DSCAM: variants seen among roughly 807,000 people sequenced by gnomAD.
DSCAM encodes cell adhesion molecule DSCAM.
DSCAM carries 47 observed loss-of-function variants against 217.7 expected under a neutral mutation model. The ratio of observed to expected loss-of-function variants is 0.22; its 90% CI spans 0.17 to 0.28. The LOEUF (loss-of-function observed/expected upper bound fraction) is 0.28. Ranked by LOEUF, DSCAM falls within the 10% of genes least tolerant of loss-of-function variation. The pLI, the probability that DSCAM is intolerant of heterozygous loss-of-function variation, is 1.00. For synonymous variants in DSCAM, 1,056 were observed against 1,015.3 expected (o/e 1.04, Z -0.76); for missense variants, 2,080 against 2,618.3 (o/e 0.79, Z 4.49).
intron 4 of DSCAM, among the ~76,000 whole-genome samples, chr21:40,361,413 G>A (rs746079631): frequency 1.9e-4 from 29 of 152,310 alleles, no homozygotes; most frequent in Non-Finnish European, 4.0e-4. Flanking sequence ...AAGGTCAGGA[G>A]ATCGAGCCCA....
chr21:40,498,720 TATATATGG>T (rs2076144951), intron 3 of DSCAM, among the ~76,000 whole-genome samples: 3 of 22,996 alleles, frequency 1.3e-4, no homozygotes, highest in Non-Finnish European at 1.5e-4. Flanking sequence ...TGGGTGTATA[TATATATGG>T]GTGTGTGTAT....
At chr21:40,089,928 C>G (rs1443313311) in intron 21 of DSCAM, among the ~76,000 whole-genome samples, 3 of 152,188 alleles carry the variant, frequency 2.0e-5, no homozygotes, top group Non-Finnish European at 2.9e-5. Flanking sequence ...TTAGGATCAT[C>G]AACCTCAATT....
intron 3 of DSCAM, among the ~76,000 whole-genome samples, chr21:40,611,336 T>C (rs1176948300): frequency 6.6e-6 from 1 of 152,154 alleles, no homozygotes; most frequent in Non-Finnish European, 1.5e-5. Flanking sequence ...GGATTACAGG[T>C]GCGAGCCACT....
chr21:40,273,228 T>C (rs192873477), intron 11 of DSCAM, among the ~76,000 whole-genome samples: 3 of 152,234 alleles, frequency 2.0e-5, no homozygotes, highest in Non-Finnish European at 4.4e-5. Flanking sequence ...TTTTCACATG[T>C]GTTACCCTGT....
intron 3 of DSCAM, among the ~76,000 whole-genome samples, chr21:40,409,479 G>C (rs1427605149): frequency 6.6e-6 from 1 of 152,180 alleles, no homozygotes; most frequent in Non-Finnish European, 1.5e-5. Context: ...CGCTGAAGAG[G>C]CCACAGAGCT....
At chr21:40,356,181 G>A (rs2074690615) in intron 4 of DSCAM, among the ~76,000 whole-genome samples, 1 of 151,944 alleles carries the variant, frequency 6.6e-6, no homozygotes, top group Admixed American at 6.6e-5. Flanking sequence ...TAGGTAAAAG[G>A]GTACAAAGCT....
chr21:40,445,419 T>C (rs1454457855), intron 3 of DSCAM, among the ~76,000 whole-genome samples: 5 of 152,236 alleles, frequency 3.3e-5, no homozygotes, highest in African/African-American at 1.2e-4. Flanking sequence ...TCTGTTTCCA[T>C]GTGTTTGTTT....
At position 40,532,292 on chromosome 21, in the gene DSCAM, C is replaced by T. The variant is rs1021697589; in HGVS notation, c.508+160518G>A. Reference sequence around the variant, plus strand: ...AAATATCAGATAAGACAGTTGCTGACGTCAAGTTAAAAAAATAAATAAAAG... The same window carrying T: ...AAATATCAGATAAGACAGTTGCTGATGTCAAGTTAAAAAAATAAATAAAAG... On this transcript the variant is annotated intron_variant, in intron 3 of 32. Transcript: ENST00000400454. 1.1e-4 allele frequency among the ~76,000 whole-genome samples: 16 copies of T among 152,068 alleles called. 1 individual carries two copies. The highest frequency in any genetic ancestry group is 4.2e-4 in the South Asian group (2 of 4,796).
intron 11 of DSCAM, among the ~76,000 whole-genome samples, chr21:40,268,996 C>T (rs2073578484): frequency 1.3e-5 from 2 of 152,282 alleles, no homozygotes; most frequent in South Asian, 4.2e-4. Context: ...CACTGCAAAT[C>T]CCTATAGCTT....
At chr21:40,557,751 C>G (rs116310001) in intron 3 of DSCAM, among the ~76,000 whole-genome samples, 3,761 of 152,284 alleles carry the variant, frequency 0.025, 120 homozygotes, top group African/African-American at 0.078. Flanking sequence ...CTTAAACTTT[C>G]CAGCCATCAG....
intron 11 of DSCAM, among the ~76,000 whole-genome samples, chr21:40,219,140 G>A (rs772624188): frequency 5.3e-5 from 8 of 152,094 alleles, no homozygotes; most frequent in Non-Finnish European, 1.2e-4. Context: ...ATTATTTTAA[G>A]GTATGTTCCT....
At chr21:40,292,557 G>GTCTCTTA (rs2073906475) in intron 10 of DSCAM, among the ~76,000 whole-genome samples, 2 of 151,134 alleles carry the variant, frequency 1.3e-5, no homozygotes, top group African/African-American at 4.9e-5. Flanking sequence ...AGACACTACT[G>GTCTCTTA]CAAACTGAGG....
chr21:40,598,400 G>A (rs1601776669), intron 3 of DSCAM, among the ~76,000 whole-genome samples: 1 of 152,026 alleles, frequency 6.6e-6, no homozygotes, highest in South Asian at 2.1e-4. Context: ...ATTTTTACGG[G>A]GAAATAAGTT....
At chr21:40,354,656 C>T (rs796256181) in intron 4 of DSCAM, among the ~76,000 whole-genome samples, 43 of 151,964 alleles carry the variant, frequency 2.8e-4, no homozygotes, top group Admixed American at 7.9e-4. Context: ...GAGACCATCC[C>T]GGCTAACACG....
chr21:40,725,182 T>A (rs77815793), intron 1 of DSCAM, among the ~76,000 whole-genome samples: 5,475 of 152,272 alleles, frequency 0.036, 129 homozygotes, highest in East Asian at 0.098. Flanking sequence ...GCCATTGGCA[T>A]CTCATGACTG....
chr21:40,660,775 T>A (rs1044065410), intron 3 of DSCAM, among the ~76,000 whole-genome samples: 1 of 152,220 alleles, frequency 6.6e-6, no homozygotes, highest in Non-Finnish European at 1.5e-5. Context: ...TCTGCCATTA[T>A]ATGTCCTTGA....
At chr21:40,448,777 T>C (rs2075695838) in intron 3 of DSCAM, among the ~76,000 whole-genome samples, 1 of 152,152 alleles carries the variant, frequency 6.6e-6, no homozygotes, top group African/African-American at 2.4e-5. Flanking sequence ...AAAAATATAA[T>C]TATGAGAGTT....
chr21:40,407,211 GAATA>G (rs2075286769), intron 3 of DSCAM, among the ~76,000 whole-genome samples: 1 of 152,258 alleles, frequency 6.6e-6, no homozygotes, highest in African/African-American at 2.4e-5. Context: ...AGCTCAGTTA[GAATA>G]AATTGTGTAC....
At chr21:40,399,312 A>G (rs1335269162) in intron 3 of DSCAM, among the ~76,000 whole-genome samples, 2 of 152,020 alleles carry the variant, frequency 1.3e-5, no homozygotes, top group Non-Finnish European at 2.9e-5. Context: ...AAAACAAAAC[A>G]TAGGAGTCCA....
Sources: gnomAD v4.1 joint callset for allele counts (sites outside exome capture counted in the v4.1 genomes callset) on GRCh38, gnomAD v4.1.1 for gene constraint, MANE v1.5 for transcripts, NCBI Gene and HGNC (gene_info 2026-07-23, HGNC 2026-07-21) for gene names.